The following CCDC14 variants were observed in gnomAD, a reference collection of about 807,000 sequenced individuals.
CCDC14 encodes coiled-coil domain-containing protein 14.
In CCDC14, 71 loss-of-function variants were observed where a neutral mutation model predicts 81.4. The observed-to-expected ratio is 0.87, with a 90% CI of 0.72 to 1.06. The LOEUF (loss-of-function observed/expected upper bound fraction) is 1.06. CCDC14 is among the 50% of genes least tolerant of loss of function. The pLI is 0.00. For synonymous variants in CCDC14, 332 were observed against 364.8 expected (o/e 0.91, Z 1.03); for missense variants, 1,046 against 1,047.3 (o/e 1.00, Z 0.02).
rs1311028217 is a variant in CCDC14, at chr3:123,944,938, T to A, written c.1254A>T (p.Val418=). The A allele has an allele frequency of 6.2e-7, 1 of 1,610,332 alleles. No individual in the cohort carries two copies. ...CTGTGTTTCCACTTACTGTTGGAAGTACAGATATACATGCCTCCATTTCTG... is the reference window on the plus strand; with the variant it reads ...CTGTGTTTCCACTTACTGTTGGAAGAACAGATATACATGCCTCCATTTCTG... ...LITEMEACIS[V]LPTVSGNTDI... The change falls in exon 9 of 13, where the codon GTA becomes GTT. Residue 418 remains valine, a synonymous_variant. Transcript: ENST00000409697.
At chr3:123,919,535 C>T (rs2148804360) in intron 12 of CCDC14, among the ~76,000 whole-genome samples, 1 of 152,334 alleles carries the variant, frequency 6.6e-6, no homozygotes, top group African/African-American at 2.4e-5. Flanking sequence ...ATTGCAGAGC[C>T]CAGCTGGCAG....
the CCDC14 span, among the ~76,000 whole-genome samples, chr3:123,888,316 T>G: frequency 1.3e-5 from 2 of 152,208 alleles, no homozygotes; most frequent in Admixed American, 1.3e-4. Context: ...CATTTTTACA[T>G]GAATTTTGTT....
downstream of CCDC14, among the ~76,000 whole-genome samples, chr3:123,895,712 G>A (rs554064248): frequency 1.3e-5 from 2 of 152,276 alleles, no homozygotes; most frequent in South Asian, 4.1e-4. Flanking sequence ...AAAACAATTT[G>A]CATATTAGAC....
intron 5 of CCDC14, among the ~76,000 whole-genome samples, chr3:123,900,986 C>T (rs2034166376): frequency 1.3e-5 from 2 of 152,022 alleles, no homozygotes; most frequent in Admixed American, 6.6e-5. Flanking sequence ...GTAATTCCAG[C>T]ACTTTGGGAG....
downstream of CCDC14, among the ~76,000 whole-genome samples, chr3:123,893,883 A>C (rs1336337272): frequency 6.6e-6 from 1 of 152,080 alleles, no homozygotes; most frequent in Non-Finnish European, 1.5e-5. Context: ...TCCTTTTCCC[A>C]TTTTAAAATT....
chr3:123,919,975 A>G (rs1025055290), intron 12 of CCDC14, among the ~76,000 whole-genome samples: 10 of 152,228 alleles, frequency 6.6e-5, no homozygotes, highest in African/African-American at 1.9e-4. Flanking sequence ...TAAAATGTTC[A>G]GGGAACTACA....
chr3:123,947,670 A>G (rs1204880930), intron 7 of CCDC14, among the ~76,000 whole-genome samples: 1 of 152,124 alleles, frequency 6.6e-6, no homozygotes, highest in Non-Finnish European at 1.5e-5. Context: ...GTATTTGTAA[A>G]CAGTCTATTT....
rs769084364 is a variant in CCDC14, at chr3:123,913,844, G to A, written c.*935C>T. The stretch of plus-strand genomic sequence containing the variant: ...CATTCAGCTTCCTAAGAGTTAAAAC[G>A]TGCTGCTTACATGAAGGGAGATGAT... On this transcript the variant is annotated 3_prime_UTR_variant, in exon 13 of 13. Transcript: ENST00000409697. 1.4e-5 allele frequency: 14 copies of A among 985,166 alleles called. No individual in the cohort carries two copies. Among genetic ancestry groups the A allele is most frequent in the South Asian group, 1.4e-4 (3 of 21,282 alleles). 61.0% of individuals were successfully genotyped at this position (985,166 alleles called of 1,614,324 possible).
chr3:123,944,467 T>C (rs1483384836), intron 9 of CCDC14, among the ~76,000 whole-genome samples: 2 of 152,080 alleles, frequency 1.3e-5, no homozygotes, highest in Non-Finnish European at 2.9e-5. Flanking sequence ...AGTCACATGA[T>C]GAAAGAGCCA....
intron 5 of CCDC14, chr3:123,953,578 T>C (rs1474724391): frequency 6.6e-6 from 1 of 152,202 alleles, no homozygotes; most frequent in African/African-American, 2.4e-5. Flanking sequence ...ACTAACTTAC[T>C]AGCTTGTAAG....
intron 5 of CCDC14, among the ~76,000 whole-genome samples, chr3:123,904,915 T>C (rs1169918210): frequency 1.3e-5 from 2 of 151,960 alleles, no homozygotes; most frequent in Non-Finnish European, 2.9e-5. Flanking sequence ...TGCAGATGAA[T>C]GGGGGGAGAA....
chr3:123,927,764 A>T (rs541607045), intron 12 of CCDC14, among the ~76,000 whole-genome samples: 1 of 152,270 alleles, frequency 6.6e-6, no homozygotes, highest in Admixed American at 6.5e-5. Context: ...GAACTTTTTC[A>T]GTTCCTATAC....
intron 5 of CCDC14, among the ~76,000 whole-genome samples, chr3:123,906,053 G>A (rs892038099): frequency 1.3e-5 from 2 of 152,014 alleles, no homozygotes; most frequent in African/African-American, 2.4e-5. Context: ...ACATCAGGCC[G>A]GGCGCAGTGC....
chr3:123,914,263 A>G lies in CCDC14; in HGVS notation c.*516T>C. ...TCAATGTTTTTTAAGAGGTGTAGAT[A>G]CTGGTAACTTTTCTCTTTAAATAAA... On this transcript the variant is annotated 3_prime_UTR_variant, in exon 13 of 13. Transcript: ENST00000409697. 1.0e-6 allele frequency: 1 copy of G among 982,998 alleles called. No individual in the cohort carries two copies. The highest frequency in any genetic ancestry group is 1.2e-6 in the Non-Finnish European group (1 of 827,728). 60.9% of individuals were successfully genotyped at this position (982,998 alleles called of 1,614,324 possible). A position where few individuals can be genotyped will look rare whatever the true frequency, so the allele number is the denominator to read the frequency against.
rs183111227 is a variant in CCDC14, at chr3:123,899,942, G to A, written c.668-2329C>T. ...TGAATGATCCCTTATCTGTGAAACT[G>A]ACCGAACCTCACCAGTTTGATTAAG... is the stretch of plus-strand genomic sequence containing the variant. On this transcript the variant is annotated intron_variant, in intron 5 of 5. Transcript: ENST00000479903. Among the ~76,000 whole-genome samples, 5 of 152,248 alleles carry A rather than the reference G, an allele frequency of 3.3e-5. No homozygotes were observed. The East Asian group carries it at 5.8e-4, about 18-fold the overall frequency.
chr3:123,886,453 A>C, the CCDC14 span, among the ~76,000 whole-genome samples: 2 of 149,256 alleles, frequency 1.3e-5, no homozygotes, highest in African/African-American at 2.5e-5. Context: ...GCTAGAGTGC[A>C]GTGGCACGAT....
chr3:123,931,290 T>C lies in CCDC14; in HGVS notation c.1645+18A>G. ...TCCTTTTAAAAGATGTGACCATAAC[T>C]ACTGTCTAAATACGTACCAATTTTT... On this transcript the variant is annotated intron_variant, in intron 11 of 12. Transcript: ENST00000409697. 2 of 1,570,148 alleles carry C rather than the reference T, an allele frequency of 1.3e-6. No individual in the cohort carries two copies. The highest frequency in any genetic ancestry group is 1.7e-6 in the Non-Finnish European group (2 of 1,156,226).
chr3:123,934,286 A>AC (rs1175157166), intron 9 of CCDC14, among the ~76,000 whole-genome samples: 2 of 150,606 alleles, frequency 1.3e-5, no homozygotes, highest in Non-Finnish European at 3.0e-5. Flanking sequence ...AAAAAAAAAA[A>AC]AAAAAAAAAC....
intron 12 of CCDC14, 29 bp from the exon 13 acceptor site, chr3:123,915,747 A>G: frequency 6.7e-7 from 1 of 1,483,604 alleles, no homozygotes; most frequent in Admixed American, 2.2e-5. Context: ...AACACTAATT[A>G]TTATTTTTTA....
Sources: gnomAD v4.1 joint callset for allele counts (sites outside exome capture counted in the v4.1 genomes callset) on GRCh38, gnomAD v4.1.1 for gene constraint, MANE v1.5 for transcripts, NCBI Gene and HGNC (gene_info 2026-07-23, HGNC 2026-07-21) for gene names.